The following TEP1 variants were observed in gnomAD, a reference collection of about 807,000 sequenced individuals.
TEP1 encodes the protein telomerase protein component 1.
A neutral mutation model predicts 306.3 loss-of-function variants in TEP1; 241 were observed. The observed-to-expected ratio is 0.79, with a 90% CI of 0.71 to 0.88. The LOEUF (loss-of-function observed/expected upper bound fraction) is 0.88, where lower values mean the gene tolerates loss of function less well. TEP1 is among the 40% of genes least tolerant of loss of function. The pLI is 0.00. For synonymous variants in TEP1, 1,289 were observed against 1,305.5 expected, an observed-to-expected ratio of 0.99 and a Z score of 0.27; for missense variants, 3,051 against 3,276.1, an observed-to-expected ratio of 0.93 and a Z score of 1.68.
chr14:20,381,191 G>T lies in TEP1; in HGVS notation c.4647+122C>A. 8.1e-7 allele frequency: 1 copy of T among 1,236,726 alleles called. No individual in the cohort carries two copies. Among genetic ancestry groups the T allele is most frequent in the Non-Finnish European group, 1.2e-6 (1 of 838,324 alleles). The allele number at this position is 1,236,726 out of a possible 1,614,324, so 76.6% of individuals were successfully genotyped here. A position where few individuals can be genotyped will look rare whatever the true frequency, so the allele number is the denominator to read the frequency against. ...GGGCAGGAAAACTGAAAGGAAAGAG[G>T]TCAAGGGAGTTTGGGAGGGGTAATG... On this transcript the variant is annotated intron_variant, in intron 32 of 54. Coordinates refer to ENST00000262715, the MANE Select transcript of TEP1 (RefSeq NM_007110.5). This position sits in a 1 kb window ranked among gnomAD's most constrained non-coding sequence, Gnocchi z 4.0.
chr14:20,386,459 G>A lies in TEP1; in HGVS notation c.2849C>T (p.Thr950Ile). The A allele has an allele frequency of 1.9e-6, 3 of 1,605,128 alleles. No individual in the cohort carries two copies. The highest frequency in any genetic ancestry group is 2.6e-6 in the Non-Finnish European group (3 of 1,174,904). The change falls in exon 19 of 55, where the codon ACC (threonine) becomes ATC (isoleucine). Residue 950 changes from threonine (T) to isoleucine (I), a missense_variant. Physicochemically the swap from Thr to Ile is moderately conservative, Grantham distance 89. Around this residue, in one of 3 missense-constraint regions of TEP1, gnomAD observed 1,507 missense variants for 1,550.5 expected, o/e 0.97. Transcript: ENST00000262715. ...DLRWGVTEEE[T>I]RRNRQLEVCL... The stretch of plus-strand genomic sequence containing the variant: ...GCAGCCCCCACACCTGTTCCTACGG[G>A]TCTCCTCCTCAGTGACGCCCCAGCG...
In TEP1 at chr14:20,382,308, G is replaced by A. The variant is rs1262462660; in HGVS notation, c.4189C>T (p.Gln1397Ter). 2 of 1,613,778 alleles carry A rather than the reference G, an allele frequency of 1.2e-6. No individual in the cohort carries two copies. Among genetic ancestry groups the A allele is most frequent in the African/African-American group, 2.7e-5 (2 of 75,032 alleles). ...TTCTCCAGTGTGCTCAGGATGTGCT[G>A]CAGCAGCAGGGGGACAGTGGCAGGC... ...TLPATVPLLL[Q>*]HILSTLEKEH... The change falls in exon 29 of 55, where the codon CAG becomes TAG. Residue 1397 changes from glutamine to a stop codon, truncating the protein, a stop_gained. Transcript: ENST00000262715. LOFTEE classifies it high-confidence loss of function.
In TEP1 at chr14:20,366,162, T is replaced by G. The variant is rs1000932496; in HGVS notation, c.*2275A>C. 7 of 152,212 alleles carry G rather than the reference T, an allele frequency of 4.6e-5. No individual in the cohort carries two copies. The highest frequency in any genetic ancestry group is 1.0e-4 in the Non-Finnish European group (7 of 68,036). The allele number at this position is 152,212 out of a possible 1,614,324, so 9.4% of individuals were successfully genotyped here. A position where few individuals can be genotyped will look rare whatever the true frequency, so the allele number is the denominator to read the frequency against. On this transcript the variant is annotated 3_prime_UTR_variant, in exon 55 of 55. Coordinates refer to ENST00000262715, the MANE Select transcript of TEP1 (RefSeq NM_007110.5). ...TCTCCAAGATGAAACAAAAAACCCTTCAAGTGGGCCTGGCCAACAAGACTG... is the reference window on the plus strand; with the variant it reads ...TCTCCAAGATGAAACAAAAAACCCTGCAAGTGGGCCTGGCCAACAAGACTG...
Position 20,403,708 on chromosome 14 carries a change from G to A in TEP1, c.1194+15C>T, listed in dbSNP as rs1273202648. The A allele has an allele frequency of 1.2e-6, 2 of 1,613,160 alleles. No homozygotes were observed. Among genetic ancestry groups the A allele is most frequent in the South Asian group, 1.1e-5 (1 of 91,032 alleles). ...AGAAAAGGGGCGTGGGTCGAGGGCT[G>A]GGGCAGTGACTGACTGGAGAGCGGG... On this transcript the variant is annotated intron_variant, in intron 6 of 54. Coordinates refer to ENST00000262715, the MANE Select transcript of TEP1 (RefSeq NM_007110.5).
intron 5 of TEP1, among the ~76,000 whole-genome samples, 166 bp from the exon 6 acceptor site, chr14:20,404,050 T>C (rs1367619672): frequency 6.6e-6 from 1 of 152,114 alleles, no homozygotes; most frequent in East Asian, 1.9e-4. Context: ...ATTTCTTCAT[T>C]AGAAACATGA....
In TEP1 at chr14:20,375,822, A is replaced by T; in HGVS notation, c.6296T>A (p.Ile2099Asn). 6 of 1,613,750 alleles carry T rather than the reference A, an allele frequency of 3.7e-6. No individual in the cohort carries two copies. Among genetic ancestry groups the T allele is most frequent in the Non-Finnish European group, 5.1e-6 (6 of 1,179,976 alleles). The change falls in exon 43 of 55, where the codon ATC becomes AAC. Residue 2099 changes from isoleucine (I) to asparagine (N), a missense_variant. Physicochemically the swap from Ile to Asn is moderately radical, Grantham distance 149. This residue lies in a region of TEP1 where 1,540 missense variants were observed against 1,705.9 expected (regional missense o/e 0.90). Transcript: ENST00000262715. Reference protein sequence around the residue: ...DVRTPKTPVLIHSFPACHRDW... With the variant: ...DVRTPKTPVLNHSFPACHRDW... The stretch of plus-strand genomic sequence containing the variant: ...ACGGTGACAGGCAGGGAAGGAGTGG[A>T]TCAAAACAGGGGTTTTGGGTGTCCT...
At position 20,373,018 on chromosome 14, in the gene TEP1, G is replaced by C. The variant is rs1566440048; in HGVS notation, c.6944C>G (p.Thr2315Arg). The change falls in exon 48 of 55, where the codon ACA becomes AGA. Residue 2315 changes from threonine (T) to arginine (R), a missense_variant. By Grantham distance (71) the Thr-to-Arg change is moderately conservative. Around this residue, in one of 3 missense-constraint regions of TEP1, gnomAD observed 1,540 missense variants for 1,705.9 expected, o/e 0.90. Transcript: ENST00000262715. Reference protein sequence around the residue: ...ILWQEAKAVATAQAPGHIGAL... With the variant: ...ILWQEAKAVARAQAPGHIGAL... ...AAGGGTACACCGACTCACCTGTGCT[G>C]TGGCCACAGCCTTAGCTTCCTGCCA... 3 of 1,614,182 alleles carry C rather than the reference G, an allele frequency of 1.9e-6. No individual in the cohort carries two copies. The highest frequency in any genetic ancestry group is 2.2e-5 in the East Asian group (1 of 44,882).
chr14:20,383,130 C>T, intron 27 of TEP1, 44 bp downstream of exon 27: 1 of 1,536,704 alleles, frequency 6.5e-7, no homozygotes, highest in Non-Finnish European at 8.7e-7. Flanking sequence ...TCATAGCTCC[C>T]AGATTCACCC....
rs1441109000 is a variant in TEP1 at position 20,383,298 on chromosome 14, T to C, written c.3923A>G (p.Glu1308Gly). 2 of 1,612,608 alleles carry C rather than the reference T, an allele frequency of 1.2e-6. No homozygotes were observed. Among genetic ancestry groups the C allele is most frequent in the Admixed American group, 3.3e-5 (2 of 59,752 alleles). Residue 1308 changes from glutamate (E) to glycine (G), a missense_variant, in exon 27 of 55, where the codon GAG (glutamate) becomes GGG (glycine). By Grantham distance (98) the Glu-to-Gly change is moderately conservative. Coordinates refer to ENST00000262715, the MANE Select transcript of TEP1 (RefSeq NM_007110.5). ...SSDAGLGETL[E>G]QSQGAHVLAL... ...CAGCACGTGGGCACCCTGGCTCTGCTCAAGGGTCTCCCCTAGGCCTGCATC... is the reference window on the plus strand; with the variant it reads ...CAGCACGTGGGCACCCTGGCTCTGCCCAAGGGTCTCCCCTAGGCCTGCATC...
intron 6 of TEP1, 66 bp downstream of exon 6, chr14:20,403,657 A>G (rs1022782813): frequency 2.5e-6 from 4 of 1,607,994 alleles, no homozygotes; most frequent in Non-Finnish European, 3.4e-6. Flanking sequence ...CAGCATCAGC[A>G]TGCTCCCTTG....
In TEP1 at chr14:20,378,971, G is replaced by A. The variant is rs748047108; in HGVS notation, c.5252+10C>T. 8.7e-6 allele frequency: 14 copies of A among 1,614,158 alleles called. No homozygotes were observed. The East Asian group carries it at 1.6e-4, about 18-fold the overall frequency. On this transcript the variant is annotated intron_variant, in intron 36 of 54. Coordinates refer to ENST00000262715, the MANE Select transcript of TEP1 (RefSeq NM_007110.5). ...CCCTCATTCCAAGACAAATGGGGAG[G>A]ACCCCTTACCGACAACCATGCTGCA...
intron 9 of TEP1, among the ~76,000 whole-genome samples, chr14:20,398,014 A>G (rs534025721): frequency 6.6e-6 from 1 of 151,858 alleles, no homozygotes; most frequent in Admixed American, 6.5e-5. Flanking sequence ...CGGCCTCCCA[A>G]ATTGCTGGGA....
rs1594346127 is a variant in TEP1 at position 20,386,101 on chromosome 14, G to T, written c.2956C>A (p.Leu986Ile). ...CAGTGGAAGTGTGGATGGTCAGGAAGGTTGTAGCTGGGGGGAATGTATCCA... is the reference window on the plus strand; with the variant it reads ...CAGTGGAAGTGTGGATGGTCAGGAATGTTGTAGCTGGGGGGAATGTATCCA... The part of the protein sequence containing the change: ...RYGYIPPSYN[L>I]PDHPHFHWAQ... The change falls in exon 20 of 55, where the codon CTT (leucine) becomes ATT (isoleucine). Residue 986 changes from leucine to isoleucine, a missense_variant. This residue lies in a region of TEP1 where 1,507 missense variants were observed against 1,550.5 expected (regional missense o/e 0.97). Coordinates refer to ENST00000262715, the MANE Select transcript of TEP1 (RefSeq NM_007110.5). 6.2e-7 allele frequency: 1 copy of T among 1,612,544 alleles called. No individual in the cohort carries two copies. Among genetic ancestry groups the T allele is most frequent in the Non-Finnish European group, 8.5e-7 (1 of 1,179,398 alleles).
At position 20,379,013 on chromosome 14, in the gene TEP1, G is replaced by A; in HGVS notation, c.5220C>T (p.Leu1740=). The A allele has an allele frequency of 6.2e-7, 1 of 1,614,230 alleles. No individual in the cohort carries two copies. The highest frequency in any genetic ancestry group is 8.5e-7 in the Non-Finnish European group (1 of 1,180,050). The change falls in exon 36 of 55, where the codon CTC becomes CTT. Residue 1740 remains leucine (L), a synonymous_variant. Coordinates refer to ENST00000262715, the MANE Select transcript of TEP1 (RefSeq NM_007110.5). Reference sequence around the variant, plus strand: ...CATGCTGCAGGTCCCAGAGCTCCAGGAGCCCGTCGAAGGCAGTAAGAAAGA... The same window carrying A: ...CATGCTGCAGGTCCCAGAGCTCCAGAAGCCCGTCGAAGGCAGTAAGAAAGA... ...DTLFLTAFDG[L]LELWDLQHGC... is the part of the protein sequence containing the mutation.
intron 1 of TEP1, among the ~76,000 whole-genome samples, chr14:20,410,144 G>T (rs1241464851): frequency 4.0e-5 from 6 of 148,884 alleles, no homozygotes; most frequent in Admixed American, 1.3e-4. Flanking sequence ...GTTCAATATA[G>T]AAGCTATTAT....
intron 3 of TEP1, among the ~76,000 whole-genome samples, 171 bp from the exon 4 acceptor site, chr14:20,405,756 G>T (rs1383195081): frequency 6.6e-6 from 1 of 152,186 alleles, no homozygotes; most frequent in South Asian, 2.1e-4. Flanking sequence ...GCTCACATCT[G>T]TAATCCCAGC....
Position 20,389,289 on chromosome 14 carries a change from T to A in TEP1, c.2474A>T (p.Asp825Val). Residue 825 changes from aspartate to valine, a missense_variant, in exon 17 of 55, where the codon GAT becomes GTT. Asp to Val is a radical substitution (Grantham distance 152). This residue lies in a region of TEP1 where 1,507 missense variants were observed against 1,550.5 expected (regional missense o/e 0.97). Coordinates refer to ENST00000262715, the MANE Select transcript of TEP1 (RefSeq NM_007110.5). ...LLRRVQYLST[D>V]LNPNDVTLSG... ...GAGTGTCACATCATTGGGATTCAAA[T>A]CTGTTGACCTGGCAAAGGAAGAAGC... 3.1e-6 allele frequency: 5 copies of A among 1,614,156 alleles called. No homozygotes were observed. Among genetic ancestry groups the A allele is most frequent in the Non-Finnish European group, 4.2e-6 (5 of 1,180,016 alleles).
intron 41 of TEP1, 70 bp from the exon 42 acceptor site, chr14:20,376,334 G>A: frequency 6.6e-7 from 1 of 1,521,686 alleles, no homozygotes; most frequent in East Asian, 2.3e-5. Flanking sequence ...GGAGGCCAAA[G>A]ACAGGAGCGG....
At chr14:20,400,830 T>C in intron 9 of TEP1, 154 bp downstream of exon 9, 3 of 897,426 alleles carry the variant, frequency 3.3e-6, no homozygotes, top group Non-Finnish European at 1.7e-6. Flanking sequence ...CTGTTTACTT[T>C]GGTGTAGTCA....
Sources: gnomAD v4.1 joint callset for allele counts (sites outside exome capture counted in the v4.1 genomes callset) on GRCh38, gnomAD v4.1.1 for gene constraint, gnomAD v4.1.1 regional missense constraint, Gnocchi (gnomAD v3.1) non-coding constraint, MANE v1.5 for transcripts, NCBI Gene and HGNC (gene_info 2026-07-23, HGNC 2026-07-21) for gene names.